SLC66A2: variants seen among roughly 807,000 people sequenced by gnomAD.
SLC66A2 encodes the protein solute carrier family 66 member 2.
Under a neutral mutation model 25.5 loss-of-function variants are expected in SLC66A2, and 23 were observed. The observed-to-expected ratio is 0.90, with a 90% confidence interval of 0.65 to 1.28. SLC66A2 has a LOEUF of 1.28. Among genes scored for constraint, SLC66A2 ranks in the 50% most tolerant of loss-of-function variants. The pLI is 0.00. For missense variants in SLC66A2, 396 were observed against 373.1 expected, an observed-to-expected ratio of 1.06 and a Z score of -0.51; for synonymous variants, 193 against 166.5, an observed-to-expected ratio of 1.16 and a Z score of -1.23.
At chr18:79,910,662 T>TA (rs1982975693) in intron 5 of SLC66A2, among the ~76,000 whole-genome samples, 2 of 152,230 alleles carry the variant, frequency 1.3e-5, no homozygotes, top group South Asian at 4.1e-4. Flanking sequence ...ACAAATCCTA[T>TA]ATAAAGGACC....
chr18:79,928,487 A>G (rs1429194160), intron 4 of SLC66A2, among the ~76,000 whole-genome samples: 1 of 152,098 alleles, frequency 6.6e-6, no homozygotes, highest in East Asian at 1.9e-4. Flanking sequence ...CTCTCCACAG[A>G]CCCTCTCCAG....
At chr18:79,923,946 A>G (rs1599576226) in intron 4 of SLC66A2, among the ~76,000 whole-genome samples, 1 of 150,828 alleles carries the variant, frequency 6.6e-6, no homozygotes, top group Non-Finnish European at 1.5e-5. Context: ...CCGAAGCAGG[A>G]GGATCCCTTG....
rs1260000216 is a variant in SLC66A2 at position 79,937,851 on chromosome 18, C to T, written c.338-3829G>A. Among the ~76,000 whole-genome samples the T allele has an allele frequency of 6.6e-6, 1 of 152,180 alleles. No homozygotes were observed. The highest frequency in any genetic ancestry group is 1.5e-5 in the Non-Finnish European group (1 of 68,034). The stretch of plus-strand genomic sequence containing the variant: ...CAGGAGTGCCATCTCCACTGCAGGG[C>T]TTCCCAAAACTCAGCCTGCAGGAGT... On this transcript the variant is annotated intron_variant, in intron 3 of 5. Coordinates refer to ENST00000397778, the MANE Select transcript of SLC66A2 (RefSeq NM_025078.5). This position sits in a 1 kb window ranked among gnomAD's most constrained non-coding sequence, Gnocchi z 5.4.
chr18:79,906,074 A>T (rs184836225), intron 5 of SLC66A2, among the ~76,000 whole-genome samples: 1 of 152,200 alleles, frequency 6.6e-6, no homozygotes, highest in East Asian at 1.9e-4. Context: ...TGTTCATTGT[A>T]CTCTTTTGAT....
At chr18:79,915,351 G>A (rs1307964936) in intron 5 of SLC66A2, 7 of 152,308 alleles carry the variant, frequency 4.6e-5, no homozygotes, top group African/African-American at 1.7e-4. Flanking sequence ...GCCAGGCCAG[G>A]GCCTCAGTGC....
In SLC66A2 at chr18:79,919,194, C is replaced by T. The variant is rs1168290832; in HGVS notation, c.598G>A (p.Glu200Lys). ...GCATCCCCGGCCTACCTCATGCCCT[C>T]CGTGGACTGGTGGCGGTGGTTGCGG... ...LYRNHRHQST[E>K]GMSIKMVLMW... is the part of the protein sequence containing the mutation. The change falls in exon 5 of 6, where the codon GAG becomes AAG. Residue 200 changes from glutamate (E) to lysine (K), a missense_variant. Physicochemically the swap from Glu to Lys is moderately conservative, Grantham distance 56 (BLOSUM62 1). Transcript: ENST00000397778. 1 of 1,613,128 alleles carries T rather than the reference C, an allele frequency of 6.2e-7. No homozygotes were observed. Among genetic ancestry groups the T allele is most frequent in the South Asian group, 1.1e-5 (1 of 91,088 alleles).
intron 4 of SLC66A2, among the ~76,000 whole-genome samples, chr18:79,924,651 G>A (rs777116284): frequency 3.3e-5 from 5 of 152,120 alleles, no homozygotes; most frequent in South Asian, 2.1e-4. Context: ...AATGCATAAC[G>A]AAATAGAAAA....
At chr18:79,950,006 G>A (rs1372755901) in intron 2 of SLC66A2, among the ~76,000 whole-genome samples, 3 of 152,218 alleles carry the variant, frequency 2.0e-5, no homozygotes, top group Non-Finnish European at 4.4e-5. Flanking sequence ...AGAGGAAGTT[G>A]GGGAGAGGAA....
intron 3 of SLC66A2, among the ~76,000 whole-genome samples, chr18:79,935,684 T>C (rs1417012260): frequency 6.6e-6 from 1 of 152,090 alleles, no homozygotes; most frequent in Non-Finnish European, 1.5e-5. Context: ...CTGGCCGCCA[T>C]GTTGTGAGGA....
chr18:79,905,862 ACT>A (rs1386440576), intron 5 of SLC66A2, among the ~76,000 whole-genome samples: 1 of 152,160 alleles, frequency 6.6e-6, no homozygotes. Flanking sequence ...TCAGTTGGTA[ACT>A]CTGTAAACAC....
At chr18:79,939,219 A>G (rs371150548) in intron 3 of SLC66A2, among the ~76,000 whole-genome samples, 2 of 152,224 alleles carry the variant, frequency 1.3e-5, no homozygotes, top group East Asian at 1.9e-4. Flanking sequence ...CTGACCATCC[A>G]TGAGCACAGT....
rs1352296776 is a variant in SLC66A2, at chr18:79,951,128, G to A, written c.-99-103C>T. ...CAGCCGCAGGACCCGAGGCAGAGCG[G>A]GGGCGACCGGGGCCCGGGGCGCGCG... On this transcript the variant is annotated intron_variant, in intron 1 of 5. Transcript: ENST00000397778. The A allele has an allele frequency of 3.0e-5, 8 of 268,578 alleles. No individual in the cohort carries two copies. In the East Asian group the frequency reaches 5.7e-4, roughly 19 times the overall value. The allele number at this position is 268,578 out of a possible 1,614,324, so 16.6% of individuals were successfully genotyped here.
At chr18:79,924,172 G>A (rs988145397) in intron 4 of SLC66A2, among the ~76,000 whole-genome samples, 11 of 152,196 alleles carry the variant, frequency 7.2e-5, no homozygotes, top group African/African-American at 1.2e-4. Context: ...GGCACGAGGC[G>A]AGGCAGCTGA....
chr18:79,905,583 G>A lies in SLC66A2; in HGVS notation c.609-1400C>T, dbSNP rs548451312. ...TCCTGCGCTAGCCATGCACACAGCA[G>A]GCGCCCGAGCATTGCGCGGTGACCC... On this transcript the variant is annotated intron_variant, in intron 5 of 5. Transcript: ENST00000397778. Among the ~76,000 whole-genome samples, 4 of 152,406 alleles carry A rather than the reference G, an allele frequency of 2.6e-5. No homozygotes were observed. In the South Asian group the frequency reaches 8.3e-4, roughly 32 times the overall value.
intron 4 of SLC66A2, among the ~76,000 whole-genome samples, chr18:79,925,607 AC>A (rs1484920643): frequency 6.6e-6 from 1 of 152,042 alleles, no homozygotes; most frequent in East Asian, 1.9e-4. Flanking sequence ...CTCTTCCAGC[AC>A]CCCCCATGGG....
At position 79,927,917 on chromosome 18, in the gene SLC66A2, C is replaced by A. The variant is rs1986161029; in HGVS notation, c.391+6052G>T. Among the ~76,000 whole-genome samples, 1 of 152,274 alleles carries A rather than the reference C, an allele frequency of 6.6e-6. No individual in the cohort carries two copies. The highest frequency in any genetic ancestry group is 2.4e-5 in the African/African-American group (1 of 41,476). ...ATTCCTGCAGCCGCCTCAGCTAGAG[C>A]CAGGGAGGCCCTGGGAGAATGGCCT... On this transcript the variant is annotated intron_variant, in intron 4 of 5. Coordinates refer to ENST00000397778, the MANE Select transcript of SLC66A2 (RefSeq NM_025078.5). The surrounding 1 kb of genome is among the most constrained non-coding windows in gnomAD (Gnocchi z 6.2).
chr18:79,938,605 G>A (rs1270378848), intron 3 of SLC66A2, among the ~76,000 whole-genome samples: 2 of 152,224 alleles, frequency 1.3e-5, no homozygotes, highest in Non-Finnish European at 2.9e-5. Context: ...AAAAGGAAGA[G>A]ACTTGGAAAG....
intron 3 of SLC66A2, among the ~76,000 whole-genome samples, chr18:79,942,529 A>G (rs1336805161): frequency 1.3e-5 from 2 of 152,218 alleles, no homozygotes; most frequent in Non-Finnish European, 2.9e-5. Context: ...AGAAGCCCCA[A>G]ACTTAACAAA....
chr18:79,929,952 G>A (rs532808493), intron 4 of SLC66A2, among the ~76,000 whole-genome samples: 1 of 152,226 alleles, frequency 6.6e-6, no homozygotes, highest in African/African-American at 2.4e-5. Flanking sequence ...CAGTCTCAGA[G>A]AAAGGTGGGA....
Sources: allele counts gnomAD v4.1 joint callset (sites outside exome capture counted in the v4.1 genomes callset), GRCh38; gene constraint gnomAD v4.1.1; non-coding constraint Gnocchi (gnomAD v3.1); transcripts MANE v1.5; gene names NCBI Gene and HGNC (gene_info 2026-07-23, HGNC 2026-07-21).